Variants in SLC8A1 observed in about 807,000 individuals in gnomAD.
The protein encoded by SLC8A1 is sodium/calcium exchanger 1.
SLC8A1 carries 18 observed loss-of-function variants against 68.3 expected under a neutral mutation model. That is an observed-to-expected ratio of 0.26 (90% CI 0.18 to 0.39). SLC8A1 has a LOEUF of 0.39. Among genes scored for constraint, SLC8A1 ranks in the 10% least tolerant of loss-of-function variants. The pLI is 1.00. For synonymous variants in SLC8A1, 475 were observed against 415.5 expected, an observed-to-expected ratio of 1.14 and a Z score of -1.74; for missense variants, 985 against 1,156.7, an observed-to-expected ratio of 0.85 and a Z score of 2.15.
At chr2:40,483,273 TA>T (rs1270279799) in intron 1 of SLC8A1, among the ~76,000 whole-genome samples, 15 of 150,578 alleles carry the variant, frequency 1.0e-4, no homozygotes, top group African/African-American at 3.4e-4. Flanking sequence ...ATATATATGT[TA>T]AAAAATATAT....
At chr2:40,150,173 A>T (rs937789040) in intron 6 of SLC8A1, among the ~76,000 whole-genome samples, 3 of 152,036 alleles carry the variant, frequency 2.0e-5, no homozygotes, top group Non-Finnish European at 4.4e-5. Context: ...GCCAGACCTG[A>T]CCAGGCAAAG....
chr2:40,113,128 A>G (rs2034775161), exon 8 of SLC8A1: 1 of 152,284 alleles, frequency 6.6e-6, no homozygotes, highest in Admixed American at 6.5e-5. Context: ...AAAGTATCAT[A>G]CTACCTGGCA....
intron 2 of SLC8A1, among the ~76,000 whole-genome samples, chr2:40,256,265 G>A (rs925058842): frequency 6.6e-6 from 1 of 152,210 alleles, no homozygotes; most frequent in African/African-American, 2.4e-5. Context: ...GAAGAGGGTA[G>A]GAGAGGTGTG....
At chr2:40,417,842 A>T (rs1694322833) in intron 2 of SLC8A1, among the ~76,000 whole-genome samples, 1 of 148,912 alleles carries the variant, frequency 6.7e-6, no homozygotes, top group Admixed American at 6.7e-5. Flanking sequence ...AGATAGCTGG[A>T]GTCAGGCACA....
chr2:40,180,182 C>T (rs576659054), intron 2 of SLC8A1, among the ~76,000 whole-genome samples: 1 of 151,926 alleles, frequency 6.6e-6, no homozygotes, highest in African/African-American at 2.4e-5. Flanking sequence ...TACATGTATA[C>T]TGTAAACAGC....
chr2:40,381,071 G>A (rs1010139903), intron 2 of SLC8A1, among the ~76,000 whole-genome samples: 6 of 152,008 alleles, frequency 3.9e-5, no homozygotes, highest in African/African-American at 1.4e-4. Flanking sequence ...AGCAGAATGT[G>A]ATTAAAGAAA....
At chr2:40,375,029 G>T (rs1028098206) in intron 2 of SLC8A1, among the ~76,000 whole-genome samples, 2 of 151,958 alleles carry the variant, frequency 1.3e-5, no homozygotes, top group African/African-American at 4.8e-5. Context: ...TCTACCTCTG[G>T]CTGCTTGATA....
At chr2:40,299,860 T>C (rs184113320) in intron 2 of SLC8A1, among the ~76,000 whole-genome samples, 1 of 152,008 alleles carries the variant, frequency 6.6e-6, no homozygotes, top group African/African-American at 2.4e-5. Flanking sequence ...CGGTTTAGAG[T>C]TGTGTTGACA....
intron 7 of SLC8A1, among the ~76,000 whole-genome samples, chr2:40,134,885 A>G (rs1414158642): frequency 2.0e-5 from 3 of 152,232 alleles, no homozygotes; most frequent in Non-Finnish European, 4.4e-5. Flanking sequence ...TAAGTAAACT[A>G]AAAAAATCCA....
upstream of SLC8A1, among the ~76,000 whole-genome samples, chr2:40,454,339 G>T (rs1425652558): frequency 6.6e-6 from 1 of 152,188 alleles, no homozygotes; most frequent in African/African-American, 2.4e-5. Context: ...TGGAAAGAGT[G>T]TAGCCTCTTA....
intron 2 of SLC8A1, among the ~76,000 whole-genome samples, chr2:40,208,844 G>C (rs1237948622): frequency 6.6e-6 from 1 of 152,056 alleles, no homozygotes; most frequent in African/African-American, 2.4e-5. Flanking sequence ...AAAGAATTCA[G>C]AACACTGAGC....
chr2:40,400,685 G>A (rs755993006), intron 2 of SLC8A1, among the ~76,000 whole-genome samples: 1 of 152,116 alleles, frequency 6.6e-6, no homozygotes, highest in Non-Finnish European at 1.5e-5. Flanking sequence ...AAAATGAGGT[G>A]GGAGGGACAG....
chr2:40,356,283 T>G (rs1438322751), intron 2 of SLC8A1, among the ~76,000 whole-genome samples: 1 of 152,196 alleles, frequency 6.6e-6, no homozygotes, highest in Non-Finnish European at 1.5e-5. Context: ...TCAGCATCAA[T>G]TGTAGTGACT....
chr2:40,445,380 T>C (rs1196861731), intron 1 of SLC8A1, among the ~76,000 whole-genome samples: 3 of 152,160 alleles, frequency 2.0e-5, no homozygotes, highest in African/African-American at 2.4e-5. Flanking sequence ...AGAATCCTTA[T>C]TAGACATTCA....
At chr2:40,367,841 C>T (rs1350859328) in intron 2 of SLC8A1, among the ~76,000 whole-genome samples, 3 of 152,068 alleles carry the variant, frequency 2.0e-5, no homozygotes, top group Non-Finnish European at 4.4e-5. Context: ...CACTGACTCA[C>T]ATGAAGACTG....
intron 2 of SLC8A1, among the ~76,000 whole-genome samples, chr2:40,329,506 A>G (rs890779673): frequency 4.6e-5 from 7 of 152,226 alleles, no homozygotes; most frequent in African/African-American, 1.7e-4. Flanking sequence ...AGTATTTAAG[A>G]TGTTCAACAG....
chr2:40,174,885 T>G lies in SLC8A1; in HGVS notation c.1913-43A>C, dbSNP rs180723215. 5.7e-6 allele frequency: 9 copies of G among 1,577,920 alleles called. No homozygotes were observed. The African/African-American group carries it at 9.5e-5, about 17-fold the overall frequency. ...AACAACAAATGTTATAATTTGACAC[T>G]CTACATAACAAATACCAGTGACATC... On this transcript the variant is annotated intron_variant, in intron 3 of 7. Coordinates refer to ENST00000406785, the Ensembl canonical transcript of SLC8A1.
At chr2:40,154,559 C>A (rs1255765603) in intron 6 of SLC8A1, among the ~76,000 whole-genome samples, 3 of 148,272 alleles carry the variant, frequency 2.0e-5, no homozygotes, top group Non-Finnish European at 4.5e-5. Flanking sequence ...GATCTTCTGA[C>A]CTCATGATCC....
At chr2:40,146,328 G>C (rs1395439348) in intron 6 of SLC8A1, among the ~76,000 whole-genome samples, 1 of 152,120 alleles carries the variant, frequency 6.6e-6, no homozygotes, top group Non-Finnish European at 1.5e-5. Flanking sequence ...TGCCACTTCT[G>C]AGAGTTTCAG....
Sources: allele counts gnomAD v4.1 joint callset (sites outside exome capture counted in the v4.1 genomes callset), GRCh38; gene constraint gnomAD v4.1.1; transcripts MANE v1.5; gene names NCBI Gene and HGNC (gene_info 2026-07-23, HGNC 2026-07-21).